The following TRIM56 variants were observed in gnomAD, a reference collection of about 807,000 sequenced individuals.
TRIM56 encodes the protein E3 ubiquitin-protein ligase TRIM56.
TRIM56 carries 10 observed loss-of-function variants against 17.1 expected under a neutral mutation model. The observed-to-expected ratio is 0.58, with a 90% confidence interval of 0.36 to 0.99. The LOEUF is 0.99. TRIM56 is among the 50% of genes least tolerant of loss of function. The pLI is 0.01. For synonymous variants in TRIM56, 503 were observed against 473.5 expected (o/e 1.06, Z -0.81); for missense variants, 923 against 1,052.3 (o/e 0.88, Z 1.70).
At position 101,089,371 on chromosome 7, in the gene TRIM56, G is replaced by A; in HGVS notation, c.2059G>A (p.Asp687Asn). The change falls in exon 3 of 3, where the codon GAT becomes AAT. Residue 687 changes from aspartate (D) to asparagine (N), a missense_variant. Transcript: ENST00000306085. ...HGCQPGSVSV[D>N]KKGYIFLTLR... ...CTGCCAGCCGGGCTCCGTGTCTGTG[G>A]ATAAGAAGGGCTACATCTTTCTGAC... The A allele has an allele frequency of 1.2e-6, 2 of 1,612,292 alleles. No individual in the cohort carries two copies. Among genetic ancestry groups the A allele is most frequent in the South Asian group, 1.1e-5 (1 of 91,048 alleles).
At position 101,096,434 on chromosome 7, in the gene TRIM56, G is replaced by C. The variant is rs1344329274; in HGVS notation, c.*6854G>C. 6.6e-6 allele frequency: 1 copy of C among 152,218 alleles called. No individual in the cohort carries two copies. Among genetic ancestry groups the C allele is most frequent in the Non-Finnish European group, 1.5e-5 (1 of 68,052 alleles). 9.4% of individuals were successfully genotyped at this position (152,218 alleles called of 1,614,324 possible). On this transcript the variant is annotated 3_prime_UTR_variant, in exon 3 of 3. Transcript: ENST00000306085. ...TGGTGTCAAGAAATGGGAAGAGAAT[G>C]AGGGAGCAGAGACCTGGGTTGAGTG...
rs910478313 is a variant in TRIM56 at position 101,089,558 on chromosome 7, G to A, written c.2246G>A (p.Arg749Gln). Residue 749 changes from arginine (R) to glutamine (Q), a missense_variant, in exon 3 of 3, where the codon CGG (arginine) becomes CAG (glutamine). Physicochemically the swap from Arg to Gln is conservative, Grantham distance 43. Coordinates refer to ENST00000306085, the MANE Select transcript of TRIM56 (RefSeq NM_030961.3). ...SLSNGTIHIF[R>Q]VRSPDS is the part of the protein sequence containing the mutation. The stretch of plus-strand genomic sequence containing the variant: ...AGTAACGGGACCATCCACATCTTTC[G>A]GGTCCGTTCTCCGGACAGTTAAAGG... 4.3e-6 allele frequency: 7 copies of A among 1,613,944 alleles called. No homozygotes were observed. The highest frequency in any genetic ancestry group is 3.3e-5 in the South Asian group (3 of 91,062).
Position 101,089,844 on chromosome 7 carries a change from G to C in TRIM56, c.*264G>C. 4.6e-6 allele frequency: 2 copies of C among 436,434 alleles called. No individual in the cohort carries two copies. Among genetic ancestry groups the C allele is most frequent in the South Asian group, 4.3e-5 (1 of 23,224 alleles). 27.0% of individuals were successfully genotyped at this position (436,434 alleles called of 1,614,324 possible). ...GTTCACCTGCCTCTTGCTTTTTGTG[G>C]GTGGCTGCTGCCACCACCGCCGCTG... On this transcript the variant is annotated 3_prime_UTR_variant, in exon 3 of 3. Coordinates refer to ENST00000306085, the MANE Select transcript of TRIM56 (RefSeq NM_030961.3).
chr7:101,085,619 A>T (rs1333093782), intron 1 of TRIM56, 48 bp downstream of exon 1: 1 of 147,538 alleles, frequency 6.8e-6, no homozygotes, highest in Non-Finnish European at 1.5e-5. Context: ...GAGCGGAGGG[A>T]GTAGGGGGAG....
Position 101,096,219 on chromosome 7 carries a change from G to A in TRIM56, c.*6639G>A, listed in dbSNP as rs1053594788. ...GAAAAAAAAAAAAGAGAGAAATCAG[G>A]AACATCATGAAAGATACAGCAAAAT... is the stretch of plus-strand genomic sequence containing the variant. On this transcript the variant is annotated 3_prime_UTR_variant, in exon 3 of 3. Coordinates refer to ENST00000306085, the MANE Select transcript of TRIM56 (RefSeq NM_030961.3). 6.6e-6 allele frequency: 1 copy of A among 151,896 alleles called. No homozygotes were observed. The highest frequency in any genetic ancestry group is 2.4e-5 in the African/African-American group (1 of 41,324). 9.4% of individuals were successfully genotyped at this position (151,896 alleles called of 1,614,324 possible).
At position 101,089,342 on chromosome 7, in the gene TRIM56, A is replaced by G; in HGVS notation, c.2030A>G (p.His677Arg). The change falls in exon 3 of 3, where the codon CAT becomes CGT. Residue 677 changes from histidine (H) to arginine (R), a missense_variant. His to Arg is a conservative substitution (Grantham distance 29, BLOSUM62 0). This residue lies in a region of TRIM56 where 182 missense variants were observed against 243.1 expected (regional missense o/e 0.75). Coordinates refer to ENST00000306085, the MANE Select transcript of TRIM56 (RefSeq NM_030961.3). Reference protein sequence around the residue: ...VVGEYKGPGLHGCQPGSVSVD... With the variant: ...VVGEYKGPGLRGCQPGSVSVD... ...GGGGAGTACAAGGGGCCAGGCCTGC[A>G]TGGCTGCCAGCCGGGCTCCGTGTCT... 1 of 1,607,888 alleles carries G rather than the reference A, an allele frequency of 6.2e-7. No individual in the cohort carries two copies. Among genetic ancestry groups the G allele is most frequent in the Non-Finnish European group, 8.5e-7 (1 of 1,175,384 alleles).
rs896684215 is a variant in TRIM56, at chr7:101,087,072, TGGA to T, written c.-84_-82del. The T allele has an allele frequency of 1.5e-3, 795 of 531,030 alleles. No homozygotes were observed. The highest frequency in any genetic ancestry group is 3.2e-3 in the South Asian group (120 of 37,082). The allele number at this position is 531,030 out of a possible 1,614,324, so 32.9% of individuals were successfully genotyped here. On this transcript the variant is annotated 5_prime_UTR_variant, in exon 2 of 3. Transcript: ENST00000306085. ...CGTTTGCTGGATGTACACACGGAAG[TGGA>T]GGAGGAGGAGGAGAAGGAGGAGGGC... is the stretch of plus-strand genomic sequence containing the variant.
chr7:101,088,320 G>A lies in TRIM56; in HGVS notation c.1008G>A (p.Gln336=), dbSNP rs751637184. ...TCGCACAGCGGCTCAGGCAGCTGCA[G>A]GGCTGCCCCTGGGCACCAGGCCCGG... is the stretch of plus-strand genomic sequence containing the variant. The part of the protein sequence containing the change: ...GAIAQRLRQL[Q]GCPWAPGPAP... Residue 336 remains glutamine (Q), a synonymous_variant, in exon 3 of 3, where the codon CAG becomes CAA. Coordinates refer to ENST00000306085, the MANE Select transcript of TRIM56 (RefSeq NM_030961.3). The A allele has an allele frequency of 2.0e-6, 3 of 1,528,448 alleles. No individual in the cohort carries two copies. Among genetic ancestry groups the A allele is most frequent in the East Asian group, 2.3e-5 (1 of 44,000 alleles). The allele number at this position is 1,528,448 out of a possible 1,614,324, so 94.7% of individuals were successfully genotyped here.
rs1213481476 is a variant in TRIM56, at chr7:101,089,526, G to A, written c.2214G>A (p.Val738=). The stretch of plus-strand genomic sequence containing the variant: ...TGGTGGATGGCAGGTACCTGGTCGT[G>A]TCCCTCAGTAACGGGACCATCCACA... ...TTMVDGRYLV[V]SLSNGTIHIF... The change falls in exon 3 of 3, where the codon GTG becomes GTA. Residue 738 remains valine (V), a synonymous_variant. Coordinates refer to ENST00000306085, the MANE Select transcript of TRIM56 (RefSeq NM_030961.3). 1 of 1,614,066 alleles carries A rather than the reference G, an allele frequency of 6.2e-7. No homozygotes were observed. The highest frequency in any genetic ancestry group is 1.3e-5 in the African/African-American group (1 of 74,932).
At position 101,089,284 on chromosome 7, in the gene TRIM56, G is replaced by A; in HGVS notation, c.1972G>A (p.Val658Met). The change falls in exon 3 of 3, where the codon GTG becomes ATG. Residue 658 changes from valine to methionine, a missense_variant. Physicochemically the swap from Val to Met is conservative, Grantham distance 21. This residue lies in a region of TRIM56 where 182 missense variants were observed against 243.1 expected (regional missense o/e 0.75). Coordinates refer to ENST00000306085, the MANE Select transcript of TRIM56 (RefSeq NM_030961.3). Reference sequence around the variant, plus strand: ...GGGGTCGGACTGGCAGCAGAATAGTGTGGTAATCTGTGATGGGCTGGGCCA... The same window carrying A: ...GGGGTCGGACTGGCAGCAGAATAGTATGGTAATCTGTGATGGGCTGGGCCA... ...FVGSDWQQNS[V>M]VICDGLGQVV... The A allele has an allele frequency of 6.2e-7, 1 of 1,607,708 alleles. No homozygotes were observed. The highest frequency in any genetic ancestry group is 8.5e-7 in the Non-Finnish European group (1 of 1,175,306).
Position 101,095,066 on chromosome 7 carries a change from C to CA in TRIM56, c.*5504dup, listed in dbSNP as rs56165943. On this transcript the variant is annotated 3_prime_UTR_variant, in exon 3 of 3. Transcript: ENST00000306085. ...TGCCTCCCAAGGCTGGGCTCCGCGT[C>CA]AAAAAAAAAAAAAAAAAATGAGACT... 0.54 allele frequency: 66,143 copies of CA among 123,418 alleles called. 17,456 individuals carry two copies. The highest frequency in any genetic ancestry group is 0.59 in the Non-Finnish European group (35,780 of 60,232). 7.6% of individuals were successfully genotyped at this position (123,418 alleles called of 1,614,324 possible).
Position 101,089,110 on chromosome 7 carries a change from G to C in TRIM56, c.1798G>C (p.Gly600Arg), listed in dbSNP as rs776810486. Residue 600 changes from glycine to arginine, a missense_variant, in exon 3 of 3, where the codon GGG becomes CGG. By Grantham distance (125) the Gly-to-Arg change is moderately radical (BLOSUM62 -2). Transcript: ENST00000306085. The part of the protein sequence containing the change: ...ASHAVAALPS[G>R]DRVAVSVAGH... The stretch of plus-strand genomic sequence containing the variant: ...CCACGCGGTGGCGGCACTGCCTAGC[G>C]GGGACCGCGTGGCTGTCAGCGTGGC... 2 of 1,604,598 alleles carry C rather than the reference G, an allele frequency of 1.2e-6. No individual in the cohort carries two copies. The highest frequency in any genetic ancestry group is 8.5e-7 in the Non-Finnish European group (1 of 1,177,954).
chr7:101,088,506 T>C lies in TRIM56; in HGVS notation c.1194T>C (p.Asp398=). ...GGEESQSRRE[D]EPKTERQGGV... is the part of the protein sequence containing the mutation. The stretch of plus-strand genomic sequence containing the variant: ...AGGAGAGCCAGAGCCGGAGGGAGGA[T>C]GAGCCGAAGACTGAGAGACAGGGTG... Residue 398 remains aspartate (D), a synonymous_variant, in exon 3 of 3, where the codon GAT becomes GAC. Transcript: ENST00000306085. 1 of 1,613,644 alleles carries C rather than the reference T, an allele frequency of 6.2e-7. No individual in the cohort carries two copies. The highest frequency in any genetic ancestry group is 8.5e-7 in the Non-Finnish European group (1 of 1,179,880).
Position 101,088,289 on chromosome 7 carries a change from G to T in TRIM56, c.977G>T (p.Gly326Val). ...GAGGCCGAGATCCTCTCCCTGGAAG[G>T]GGCGATCGCACAGCGGCTCAGGCAG... ...GREAEILSLE[G>V]AIAQRLRQLQ... The change falls in exon 3 of 3, where the codon GGG becomes GTG. Residue 326 changes from glycine to valine, a missense_variant. Physicochemically the swap from Gly to Val is moderately radical, Grantham distance 109 (BLOSUM62 -3). Coordinates refer to ENST00000306085, the MANE Select transcript of TRIM56 (RefSeq NM_030961.3). 1 of 1,521,928 alleles carries T rather than the reference G, an allele frequency of 6.6e-7. No homozygotes were observed. Among genetic ancestry groups the T allele is most frequent in the East Asian group, 2.3e-5 (1 of 43,710 alleles). 94.3% of individuals were successfully genotyped at this position (1,521,928 alleles called of 1,614,324 possible).
In TRIM56 at chr7:101,093,534, A is replaced by C. The variant is rs1795613252; in HGVS notation, c.*3954A>C. On this transcript the variant is annotated 3_prime_UTR_variant, in exon 3 of 3. Transcript: ENST00000306085. ...AAATAAAAAATAATAATAATTAAAA[A>C]AAAAAAAAAGAAAGGCTGGACGCGG... 2 of 151,454 alleles carry C rather than the reference A, an allele frequency of 1.3e-5. No individual in the cohort carries two copies. The highest frequency in any genetic ancestry group is 1.3e-4 in the Admixed American group (2 of 15,194). The allele number at this position is 151,454 out of a possible 1,614,324, so 9.4% of individuals were successfully genotyped here.
rs781152092 is a variant in TRIM56, at chr7:101,088,269, C to T, written c.957C>T (p.Ala319=). 9.9e-6 allele frequency: 15 copies of T among 1,507,858 alleles called. No homozygotes were observed. The African/African-American group carries it at 1.2e-4, about 13-fold the overall frequency. 93.4% of individuals were successfully genotyped at this position (1,507,858 alleles called of 1,614,324 possible). The change falls in exon 3 of 3, where the codon GCC becomes GCT. Residue 319 remains alanine, a synonymous_variant. Coordinates refer to ENST00000306085, the MANE Select transcript of TRIM56 (RefSeq NM_030961.3). The stretch of plus-strand genomic sequence containing the variant: ...GGGTACTCAGCCTGGGGCGAGAGGC[C>T]GAGATCCTCTCCCTGGAAGGGGCGA... ...ARRVLSLGRE[A]EILSLEGAIA...
Position 101,087,928 on chromosome 7 carries a change from G to T in TRIM56, c.616G>T (p.Ala206Ser), listed in dbSNP as rs1398118066. 1.9e-6 allele frequency: 3 copies of T among 1,601,150 alleles called. No homozygotes were observed. Among genetic ancestry groups the T allele is most frequent in the Non-Finnish European group, 2.5e-6 (3 of 1,177,526 alleles). ...CCTGGACCACCCCTGCCTGCCTCTG[G>T]CTGAAGCTGTGCGTGCCCGGAGGCC... The part of the protein sequence containing the change: ...PHLDHPCLPL[A>S]EAVRARRPGL... The change falls in exon 3 of 3, where the codon GCT (alanine) becomes TCT (serine). Residue 206 changes from alanine (A) to serine (S), a missense_variant. This residue lies in a region of TRIM56 where 643 missense variants were observed against 665.6 expected (regional missense o/e 0.97). Transcript: ENST00000306085.
rs776675996 is a variant in TRIM56 at position 101,088,950 on chromosome 7, C to G, written c.1638C>G (p.Val546=). 3.7e-6 allele frequency: 6 copies of G among 1,613,352 alleles called. No homozygotes were observed. In the East Asian group the frequency reaches 1.3e-4, roughly 36 times the overall value. Residue 546 remains valine (V), a synonymous_variant, in exon 3 of 3, where the codon GTC becomes GTG. Transcript: ENST00000306085. ...GCGACTACAAGGGCACCGTGCCGGTCCCTGAGGGCTGCTCCCCTTGCAGCG... is the reference window on the plus strand; with the variant it reads ...GCGACTACAAGGGCACCGTGCCGGTGCCTGAGGGCTGCTCCCCTTGCAGCG... ...LNGDYKGTVP[V]PEGCSPCSVA... is the part of the protein sequence containing the mutation.
At position 101,087,757 on chromosome 7, in the gene TRIM56, C is replaced by G. The variant is rs1021494015; in HGVS notation, c.445C>G (p.Leu149Val). The change falls in exon 3 of 3, where the codon CTG becomes GTG. Residue 149 changes from leucine to valine, a missense_variant. By Grantham distance (32) the Leu-to-Val change is conservative. Transcript: ENST00000306085. The part of the protein sequence containing the change: ...RQTHTHRVVD[L>V]VGYRAGWYDE... ...GACCCACACCCACCGCGTGGTGGAC[C>G]TGGTGGGCTACAGGGCCGGGTGGTA... 1 of 1,605,952 alleles carries G rather than the reference C, an allele frequency of 6.2e-7. No homozygotes were observed. The highest frequency in any genetic ancestry group is 1.1e-5 in the South Asian group (1 of 90,602).
Sources: allele counts gnomAD v4.1 joint callset, GRCh38; gene constraint gnomAD v4.1.1; regional missense constraint gnomAD v4.1.1; transcripts MANE v1.5; gene names NCBI Gene and HGNC (gene_info 2026-07-23, HGNC 2026-07-21).